The following BCL11B variants were observed in gnomAD, a reference collection of about 807,000 sequenced individuals.
BCL11B encodes the protein BCL11 transcription factor B.
In BCL11B, 8 loss-of-function variants were observed where a neutral mutation model predicts 49.9. That is an observed-to-expected ratio of 0.16 (90% CI 0.09 to 0.29). The LOEUF (loss-of-function observed/expected upper bound fraction) is 0.29. Ranked by LOEUF, BCL11B falls within the 10% of genes least tolerant of loss-of-function variation. The probability of loss-of-function intolerance (pLI) is 1.00; values close to 1 mark genes in which losing one functional copy is unlikely to be tolerated. For synonymous variants in BCL11B, 739 were observed against 637.4 expected (o/e 1.16, Z -2.40); for missense variants, 1,006 against 1,351.0 (o/e 0.74, Z 4.00).
At position 99,171,433 on chromosome 14, in the gene BCL11B, T is replaced by C. The variant is rs1886287214; in HGVS notation, c.*2718A>G. On this transcript the variant is annotated 3_prime_UTR_variant, in exon 4 of 4. Coordinates refer to ENST00000357195, the MANE Select transcript of BCL11B (RefSeq NM_138576.4). ...TTTGTTTTTGTTTTTTTTTTCTTTT[T>C]ATTTCCAAATTCACTAACAAAAAGG... The C allele has an allele frequency of 4.7e-6, 1 of 213,446 alleles. No homozygotes were observed. Among genetic ancestry groups the C allele is most frequent in the Non-Finnish European group, 9.5e-6 (1 of 105,464 alleles). 13.2% of individuals were successfully genotyped at this position (213,446 alleles called of 1,614,324 possible).
Position 99,174,652 on chromosome 14 carries a change from G to A in BCL11B, c.2184C>T (p.Gly728=). The part of the protein sequence containing the change: ...SRHFMKDPFL[G]FTDARQSPFA... ...AGGGCGACTGTCGTGCGTCCGTGAAGCCCAGGAAGGGGTCCTTCATGAAGT... is the reference window on the plus strand; with the variant it reads ...AGGGCGACTGTCGTGCGTCCGTGAAACCCAGGAAGGGGTCCTTCATGAAGT... The change falls in exon 4 of 4, where the codon GGC becomes GGT. Residue 728 remains glycine (G), a synonymous_variant. Coordinates refer to ENST00000357195, the MANE Select transcript of BCL11B (RefSeq NM_138576.4). The A allele has an allele frequency of 6.3e-7, 1 of 1,578,894 alleles. No homozygotes were observed. Among genetic ancestry groups the A allele is most frequent in the Non-Finnish European group, 8.6e-7 (1 of 1,165,922 alleles).
At chr14:99,203,385 T>A (rs1478501502) in intron 3 of BCL11B, among the ~76,000 whole-genome samples, 1 of 152,196 alleles carries the variant, frequency 6.6e-6, no homozygotes, top group African/African-American at 2.4e-5. Context: ...GGCAGGATGC[T>A]GACATGCATG....
chr14:99,187,982 C>T (rs561947283), intron 3 of BCL11B, among the ~76,000 whole-genome samples: 151 of 152,218 alleles, frequency 9.9e-4, no homozygotes, highest in Middle Eastern at 3.4e-3. Flanking sequence ...TGGAGAGCCT[C>T]GATACCGAGT....
intron 2 of BCL11B, among the ~76,000 whole-genome samples, chr14:99,249,401 T>C (rs777840277): frequency 1.3e-5 from 2 of 152,148 alleles, no homozygotes; most frequent in Non-Finnish European, 2.9e-5. Context: ...ATCGCCTAGG[T>C]ATTAAGCCCA....
intron 3 of BCL11B, among the ~76,000 whole-genome samples, chr14:99,181,243 C>G (rs557567190): frequency 6.6e-6 from 1 of 152,140 alleles, no homozygotes; most frequent in Non-Finnish European, 1.5e-5. Flanking sequence ...GGTTGGGGGG[C>G]TAAAGTAAGA....
At chr14:99,200,902 GCCCC>G (rs1887361366) in intron 3 of BCL11B, among the ~76,000 whole-genome samples, 1 of 152,182 alleles carries the variant, frequency 6.6e-6, no homozygotes, top group Non-Finnish European at 1.5e-5. Context: ...ATGGGAAGCA[GCCCC>G]CCAGTGGTCC....
In BCL11B at chr14:99,241,562, C is replaced by G. The variant is rs1348586607; in HGVS notation, c.428-10005G>C. Among the ~76,000 whole-genome samples the G allele has an allele frequency of 6.6e-6, 1 of 152,272 alleles. No individual in the cohort carries two copies. The highest frequency in any genetic ancestry group is 6.5e-5 in the Admixed American group (1 of 15,300). ...AGACGAAGGGAACCTGACTCAGCTCCTCCGCCTCTGACAGCTGCCTCCTGC... is the reference window on the plus strand; with the variant it reads ...AGACGAAGGGAACCTGACTCAGCTCGTCCGCCTCTGACAGCTGCCTCCTGC... On this transcript the variant is annotated intron_variant, in intron 2 of 3. Coordinates refer to ENST00000357195, the MANE Select transcript of BCL11B (RefSeq NM_138576.4). The surrounding 1 kb of genome is among the most constrained non-coding windows in gnomAD (Gnocchi z 4.4).
chr14:99,245,266 C>CTAAG (rs1888791541), intron 2 of BCL11B, among the ~76,000 whole-genome samples: 1 of 152,176 alleles, frequency 6.6e-6, no homozygotes, highest in African/African-American at 2.4e-5. Flanking sequence ...AGAGGTTATC[C>CTAAG]TAAGAGAAGT....
At chr14:99,254,172 T>C (rs898693389) in intron 2 of BCL11B, among the ~76,000 whole-genome samples, 3 of 152,232 alleles carry the variant, frequency 2.0e-5, no homozygotes, top group Admixed American at 6.5e-5. Flanking sequence ...GGGCCCCAGG[T>C]GCTCAGTTGC....
In BCL11B at chr14:99,184,812, G is replaced by A. The variant is rs61981480; in HGVS notation, c.641-8617C>T. On this transcript the variant is annotated intron_variant, in intron 3 of 3. Transcript: ENST00000357195. The surrounding 1 kb of genome is among the most constrained non-coding windows in gnomAD (Gnocchi z 6.1). ...AGGCTGCACACAGCGAGAAAACCTCGCTCACCCCATAGTGTTGGGTGACCG... is the reference window on the plus strand; with the variant it reads ...AGGCTGCACACAGCGAGAAAACCTCACTCACCCCATAGTGTTGGGTGACCG... Among the ~76,000 whole-genome samples the A allele has an allele frequency of 0.02, 3,055 of 152,300 alleles. 49 individuals are homozygous for A. The highest frequency in any genetic ancestry group is 0.052 in the South Asian group (250 of 4,826).
At chr14:99,181,818 C>G (rs976176577) in intron 3 of BCL11B, among the ~76,000 whole-genome samples, 15 of 152,224 alleles carry the variant, frequency 9.9e-5, no homozygotes, top group African/African-American at 3.4e-4. Flanking sequence ...CTTCCCCACT[C>G]TGGACTTCAG....
At chr14:99,264,220 C>G (rs1273020427) in intron 1 of BCL11B, 1 of 152,152 alleles carries the variant, frequency 6.6e-6, no homozygotes, top group Non-Finnish European at 1.5e-5. Flanking sequence ...CTGAGGCCAA[C>G]AGCAAATAGC....
At chr14:99,209,202 C>T (rs1393651378) in intron 3 of BCL11B, among the ~76,000 whole-genome samples, 1 of 152,168 alleles carries the variant, frequency 6.6e-6, no homozygotes, top group African/African-American at 2.4e-5. Context: ...AGCTGCCATC[C>T]TGCCACAGAG....
intron 3 of BCL11B, among the ~76,000 whole-genome samples, chr14:99,212,138 C>T (rs2139844777): frequency 6.6e-6 from 1 of 152,306 alleles, no homozygotes; most frequent in African/African-American, 2.4e-5. Context: ...AGCAACTGCT[C>T]CTCCTACCCA....
chr14:99,181,038 A>G (rs1162884435), intron 3 of BCL11B, among the ~76,000 whole-genome samples: 1 of 152,222 alleles, frequency 6.6e-6, no homozygotes, highest in Non-Finnish European at 1.5e-5. Context: ...AGAGATGTTC[A>G]ATAAAAAACA....
Position 99,231,101 on chromosome 14 carries a change from G to A in BCL11B, c.640+244C>T, listed in dbSNP as rs561072550. ...CAAAGAAGCGGGATTGGGAGGCTGGGGAATGCATTCTGGGAGCAAGACTCT... is the reference window on the plus strand; with the variant it reads ...CAAAGAAGCGGGATTGGGAGGCTGGAGAATGCATTCTGGGAGCAAGACTCT... On this transcript the variant is annotated intron_variant, in intron 3 of 3. Transcript: ENST00000357195. The surrounding 1 kb of genome is among the most constrained non-coding windows in gnomAD (Gnocchi z 8.1). Among the ~76,000 whole-genome samples, 1 of 152,324 alleles carries A rather than the reference G, an allele frequency of 6.6e-6. No homozygotes were observed. Among genetic ancestry groups the A allele is most frequent in the African/African-American group, 2.4e-5 (1 of 41,578 alleles).
At chr14:99,220,787 A>G (rs1473427596) in intron 3 of BCL11B, among the ~76,000 whole-genome samples, 1 of 152,158 alleles carries the variant, frequency 6.6e-6, no homozygotes, top group Non-Finnish European at 1.5e-5. Flanking sequence ...TGTGAGAATC[A>G]CTGGAGATAC....
At position 99,192,758 on chromosome 14, in the gene BCL11B, G is replaced by A. The variant is rs1460164325; in HGVS notation, c.641-16563C>T. Among the ~76,000 whole-genome samples, 1 of 152,290 alleles carries A rather than the reference G, an allele frequency of 6.6e-6. No individual in the cohort carries two copies. The highest frequency in any genetic ancestry group is 1.9e-4 in the East Asian group (1 of 5,182). The stretch of plus-strand genomic sequence containing the variant: ...CTCCAAGTTCCTTATCCATAAATGC[G>A]AGTGACACCTGTATTGAGGATGTGG... On this transcript the variant is annotated intron_variant, in intron 3 of 3. Transcript: ENST00000357195. The surrounding 1 kb of genome is among the most constrained non-coding windows in gnomAD (Gnocchi z 4.0).
rs1887495695 is a variant in BCL11B, at chr14:99,205,083, A to T, written c.640+26262T>A. On this transcript the variant is annotated intron_variant, in intron 3 of 3. Coordinates refer to ENST00000357195, the MANE Select transcript of BCL11B (RefSeq NM_138576.4). This position sits in a 1 kb window ranked among gnomAD's most constrained non-coding sequence, Gnocchi z 5.0. ...GTTCAGGGGATGCCCCTCCAGTTAC[A>T]TTACTTTGAAAGGGAGCATAATATG... Among the ~76,000 whole-genome samples the T allele has an allele frequency of 1.3e-5, 2 of 152,098 alleles. No homozygotes were observed. Among genetic ancestry groups the T allele is most frequent in the African/African-American group, 2.4e-5 (1 of 41,414 alleles).
Sources: gnomAD v4.1 joint callset for allele counts (sites outside exome capture counted in the v4.1 genomes callset) on GRCh38, gnomAD v4.1.1 for gene constraint, Gnocchi (gnomAD v3.1) non-coding constraint, MANE v1.5 for transcripts, NCBI Gene and HGNC (gene_info 2026-07-23, HGNC 2026-07-21) for gene names.